SRRM4: variants seen among roughly 807,000 people sequenced by gnomAD.
The protein encoded by SRRM4 is serine/arginine repetitive matrix 4.
In SRRM4, 33 loss-of-function variants were observed where a neutral mutation model predicts 68.9. That is an observed-to-expected ratio of 0.48 (90% confidence interval 0.36 to 0.64). The LOEUF is 0.64. Ranked by LOEUF, SRRM4 falls within the 30% of genes least tolerant of loss-of-function variation. The probability of loss-of-function intolerance (pLI) is 0.00; values close to 1 mark genes in which losing one functional copy is unlikely to be tolerated. For missense variants in SRRM4, 817 were observed against 827.1 expected, an observed-to-expected ratio of 0.99 and a Z score of 0.15; for synonymous variants, 318 against 318.8, an observed-to-expected ratio of 1.00 and a Z score of 0.03.
At position 119,118,184 on chromosome 12, in the gene SRRM4, T is replaced by C. The variant is rs565946934; in HGVS notation, c.437+1176T>C. ...GCCTGCTCTACCCACTTACAAAGCC[T>C]GCTTGGCCCCTGGAGGCAGGAAGTT... On this transcript the variant is annotated intron_variant, in intron 4 of 12. Coordinates refer to ENST00000267260, the MANE Select transcript of SRRM4 (RefSeq NM_194286.4). Among the ~76,000 whole-genome samples, 8 of 152,308 alleles carry C rather than the reference T, an allele frequency of 5.3e-5. 1 individual carries two copies. Among genetic ancestry groups the C allele is most frequent in the Admixed American group, 5.2e-4 (8 of 15,294 alleles).
chr12:119,021,630 C>G (rs1953516401), intron 1 of SRRM4, among the ~76,000 whole-genome samples: 1 of 152,208 alleles, frequency 6.6e-6, no homozygotes, highest in Non-Finnish European at 1.5e-5. Context: ...TTGTCCCCTC[C>G]CACTAGGGAC....
intron 1 of SRRM4, among the ~76,000 whole-genome samples, chr12:119,043,631 AG>A (rs1277492984): frequency 4.6e-5 from 7 of 152,294 alleles, no homozygotes; most frequent in Admixed American, 2.6e-4. Context: ...GGAAGTCAGC[AG>A]GGCACAGAGC....
chr12:119,053,701 C>T (rs757728952), intron 1 of SRRM4, among the ~76,000 whole-genome samples: 2 of 151,882 alleles, frequency 1.3e-5, no homozygotes, highest in African/African-American at 2.4e-5. Context: ...AAGGGTCCCA[C>T]GTTTGGGGTA....
intron 7 of SRRM4, 128 bp downstream of exon 7, chr12:119,125,607 G>A: frequency 5.4e-6 from 4 of 740,772 alleles, no homozygotes; most frequent in Non-Finnish European, 8.7e-6. Context: ...CTCAGCAGCT[G>A]GCACCACTTC....
intron 8 of SRRM4, among the ~76,000 whole-genome samples, chr12:119,137,611 AGAGAGAGAGAGAG>A (rs1296224698): frequency 4.6e-5 from 7 of 151,266 alleles, no homozygotes; most frequent in Non-Finnish European, 8.8e-5. Context: ...AGAGAGAGAG[AGAGAGAGAGAGAG>A]AGAGAGAGAG....
In SRRM4 at chr12:118,995,649, T is replaced by A. The variant is rs1377992380; in HGVS notation, c.131+13636T>A. ...ACAGACAAGGAGAATAAGTCTTTCT[T>A]GAGTGAGAAATTTGGGACTTCTAAC... On this transcript the variant is annotated intron_variant, in intron 1 of 12. Coordinates refer to ENST00000267260, the MANE Select transcript of SRRM4 (RefSeq NM_194286.4). Among the ~76,000 whole-genome samples the A allele has an allele frequency of 2.0e-5, 3 of 152,302 alleles. No homozygotes were observed. In the South Asian group the frequency reaches 6.2e-4, roughly 32 times the overall value.
At chr12:119,090,576 C>A (rs1954008798) in intron 1 of SRRM4, among the ~76,000 whole-genome samples, 1 of 152,144 alleles carries the variant, frequency 6.6e-6, no homozygotes, top group African/African-American at 2.4e-5. Flanking sequence ...GCAAAATCTT[C>A]TGGAAGGGGC....
At chr12:119,120,603 C>T (rs1954213400) in intron 5 of SRRM4, among the ~76,000 whole-genome samples, 1 of 152,162 alleles carries the variant, frequency 6.6e-6, no homozygotes, top group Admixed American at 6.5e-5. Flanking sequence ...ACCACCAAAA[C>T]CTTCCCAGAT....
chr12:119,023,077 A>G (rs1266076280), intron 1 of SRRM4, among the ~76,000 whole-genome samples: 1 of 152,218 alleles, frequency 6.6e-6, no homozygotes, highest in African/African-American at 2.4e-5. Context: ...TGTACTTTCC[A>G]TGGTTGGCTT....
intron 9 of SRRM4, among the ~76,000 whole-genome samples, chr12:119,148,521 A>G (rs1190873840): frequency 1.3e-5 from 2 of 152,216 alleles, no homozygotes; most frequent in African/African-American, 4.8e-5. Flanking sequence ...TTGAGCCCAA[A>G]TCACATGCTA....
intron 1 of SRRM4, among the ~76,000 whole-genome samples, chr12:119,041,279 G>A (rs966938206): frequency 7.2e-5 from 11 of 152,092 alleles, no homozygotes; most frequent in African/African-American, 2.2e-4. Flanking sequence ...TTAGATGGTA[G>A]GTTGGAGTCA....
At chr12:119,114,218 T>C in intron 2 of SRRM4, 60 bp from the exon 3 acceptor site, 1 of 1,478,130 alleles carries the variant, frequency 6.8e-7, no homozygotes. Flanking sequence ...CTGCACCAGC[T>C]CTGGTTGGGG....
intron 1 of SRRM4, among the ~76,000 whole-genome samples, chr12:119,053,438 T>G (rs1327356533): frequency 1.3e-5 from 2 of 152,208 alleles, no homozygotes; most frequent in Non-Finnish European, 2.9e-5. Flanking sequence ...TTAAGAAACA[T>G]TCTATGGGAG....
At chr12:119,103,371 A>G (rs1405692478) in intron 2 of SRRM4, among the ~76,000 whole-genome samples, 1 of 152,170 alleles carries the variant, frequency 6.6e-6, no homozygotes, top group African/African-American at 2.4e-5. Context: ...TATCAAACCC[A>G]TTACCCAATA....
At chr12:119,106,866 G>C (rs1348451143) in intron 2 of SRRM4, among the ~76,000 whole-genome samples, 2 of 152,182 alleles carry the variant, frequency 1.3e-5, no homozygotes, top group African/African-American at 2.4e-5. Flanking sequence ...AGTGGTGAGA[G>C]AGGGCATCCC....
intron 8 of SRRM4, among the ~76,000 whole-genome samples, chr12:119,138,447 A>G (rs1954344429): frequency 6.6e-6 from 1 of 151,842 alleles, no homozygotes; most frequent in African/African-American, 2.4e-5. Context: ...GCCAAAACCT[A>G]TTTTCTCTGC....
intron 1 of SRRM4, among the ~76,000 whole-genome samples, chr12:118,987,023 T>A (rs1953286925): frequency 6.6e-6 from 1 of 152,220 alleles, no homozygotes; most frequent in African/African-American, 2.4e-5. Context: ...TTCCTAAGAC[T>A]TTCGCTGAAG....
chr12:119,125,302 C>A, intron 6 of SRRM4, 79 bp from the exon 7 acceptor site: 1 of 1,346,330 alleles, frequency 7.4e-7, no homozygotes, highest in Non-Finnish European at 1.0e-6. Flanking sequence ...AAACGGGTGT[C>A]ACAAGATCAA....
chr12:119,127,289 C>T (rs1046538798), intron 7 of SRRM4, among the ~76,000 whole-genome samples: 4 of 152,108 alleles, frequency 2.6e-5, no homozygotes, highest in East Asian at 1.9e-4. Flanking sequence ...GACACTGAGA[C>T]CTCCAGCTTC....
Sources: gnomAD v4.1 joint callset for allele counts (sites outside exome capture counted in the v4.1 genomes callset) on GRCh38, gnomAD v4.1.1 for gene constraint, MANE v1.5 for transcripts, NCBI Gene and HGNC (gene_info 2026-07-23, HGNC 2026-07-21) for gene names.